Variants in COL9A2 observed in about 807,000 individuals in gnomAD.
COL9A2 encodes collagen alpha-2(IX) chain.
Under a neutral mutation model 111.6 loss-of-function variants are expected in COL9A2, and 66 were observed. The ratio of observed to expected loss-of-function variants is 0.59; its 90% CI spans 0.48 to 0.73. The LOEUF is 0.73. Ranked by LOEUF, COL9A2 falls within the 30% of genes least tolerant of loss-of-function variation. The probability of loss-of-function intolerance (pLI) is 0.00; values close to 1 mark genes in which losing one functional copy is unlikely to be tolerated. For synonymous variants in COL9A2, 353 were observed against 364.1 expected, an observed-to-expected ratio of 0.97 and a Z score of 0.35; for missense variants, 881 against 954.1, an observed-to-expected ratio of 0.92 and a Z score of 1.01.
In COL9A2 at chr1:40,311,438, G is replaced by T; in HGVS notation, c.519+62C>A. 1 of 816,840 alleles carries T rather than the reference G, an allele frequency of 1.2e-6. No individual in the cohort carries two copies. The allele number at this position is 816,840 out of a possible 1,614,324, so 50.6% of individuals were successfully genotyped here. ...CAGACACCCCCATCTCCGTGGCCCC[G>T]CCTCCCCATCTCTGTGGCCCCGCCC... On this transcript the variant is annotated intron_variant, in intron 10 of 31. Transcript: ENST00000372748. This position sits in a 1 kb window ranked among gnomAD's most constrained non-coding sequence, Gnocchi z 5.1.
chr1:40,304,240 G>T (rs757768462), intron 24 of COL9A2, 80 bp downstream of exon 24: 33 of 1,533,830 alleles, frequency 2.2e-5, no homozygotes, highest in Non-Finnish European at 2.7e-5. Context: ...TGGAGGCTCC[G>T]GAAGGATCTG....
rs965866672 is a variant in COL9A2 at position 40,307,148 on chromosome 1, A to G, written c.1008+298T>C. 6.6e-6 allele frequency among the ~76,000 whole-genome samples: 1 copy of G among 152,194 alleles called. No homozygotes were observed. Among genetic ancestry groups the G allele is most frequent in the Non-Finnish European group, 1.5e-5 (1 of 68,036 alleles). ...GCATGAGCCACTGCACCCGACCTCA[A>G]TAACTACTTATTGAAGGACTGGACT... On this transcript the variant is annotated intron_variant, in intron 19 of 31. Transcript: ENST00000372748. This position sits in a 1 kb window ranked among gnomAD's most constrained non-coding sequence, Gnocchi z 4.8.
intron 4 of COL9A2, among the ~76,000 whole-genome samples, chr1:40,313,061 G>A (rs1471289841): frequency 6.6e-6 from 1 of 152,210 alleles, no homozygotes; most frequent in African/African-American, 2.4e-5. Context: ...CCGGGTTCAG[G>A]AGTCTAGAAG....
Position 40,301,060 on chromosome 1 carries a change from A to G in COL9A2, c.*122T>C, listed in dbSNP as rs2229827. On this transcript the variant is annotated 3_prime_UTR_variant, in exon 32 of 32. Transcript: ENST00000372748. ...GAATTCCTTTTCCTTAGGACTCCTG[A>G]GTCCCAGACAGAAGGTCCTGGGGGA... 0.011 allele frequency: 10,656 copies of G among 1,012,266 alleles called. 776 individuals are homozygous for G. The African/African-American group carries it at 0.15, about 14-fold the overall frequency. 62.7% of individuals were successfully genotyped at this position (1,012,266 alleles called of 1,614,324 possible). A position where few individuals can be genotyped will look rare whatever the true frequency, so the allele number is the denominator to read the frequency against.
intron 24 of COL9A2, 41 bp downstream of exon 24, chr1:40,304,279 T>C (rs1643984167): frequency 1.3e-6 from 2 of 1,549,650 alleles, no homozygotes; most frequent in East Asian, 2.4e-5. Flanking sequence ...CCCCCTGTTA[T>C]AGGGCCCCTT....
In COL9A2 at chr1:40,303,218, T is replaced by C. The variant is rs1569703560; in HGVS notation, c.1549-33A>G. 1 of 1,598,152 alleles carries C rather than the reference T, an allele frequency of 6.3e-7. No individual in the cohort carries two copies. Among genetic ancestry groups the C allele is most frequent in the Non-Finnish European group, 8.5e-7 (1 of 1,170,960 alleles). On this transcript the variant is annotated intron_variant, in intron 28 of 31. Coordinates refer to ENST00000372748, the MANE Select transcript of COL9A2 (RefSeq NM_001852.4). The surrounding 1 kb of genome is among the most constrained non-coding windows in gnomAD (Gnocchi z 4.6). ...CAGAGGCCTTTCAGGAAGAAGCCCC[T>C]GGCTACAAGGGCCCACCGCTCCTAT...
rs1644175904 is a variant in COL9A2 at position 40,314,062 on chromosome 1, A to G, written c.249+143T>C. On this transcript the variant is annotated intron_variant, in intron 4 of 31. Transcript: ENST00000372748. The surrounding 1 kb of genome is among the most constrained non-coding windows in gnomAD (Gnocchi z 4.1). ...TGAGGTTCCAGGAAGGTCACAAGTC[A>G]TATCAAGGTGAGGGGGGCTCACAGC... The G allele has an allele frequency of 4.3e-6, 4 of 937,818 alleles. No homozygotes were observed. The South Asian group carries it at 5.2e-5, about 12-fold the overall frequency. 58.1% of individuals were successfully genotyped at this position (937,818 alleles called of 1,614,324 possible). A position where few individuals can be genotyped will look rare whatever the true frequency, so the allele number is the denominator to read the frequency against.
Position 40,312,343 on chromosome 1 carries a change from C to A in COL9A2, c.363+113G>T. 2 of 1,441,728 alleles carry A rather than the reference C, an allele frequency of 1.4e-6. No homozygotes were observed. Among genetic ancestry groups the A allele is most frequent in the Non-Finnish European group, 1.9e-6 (2 of 1,046,002 alleles). The allele number at this position is 1,441,728 out of a possible 1,614,324, so 89.3% of individuals were successfully genotyped here. On this transcript the variant is annotated intron_variant, in intron 7 of 31. Coordinates refer to ENST00000372748, the MANE Select transcript of COL9A2 (RefSeq NM_001852.4). The surrounding 1 kb of genome is among the most constrained non-coding windows in gnomAD (Gnocchi z 6.0). ...CTCTGGCAGGTCCACTTATTCCTGA[C>A]ACTATCACAGCAAGCTGGCTCCTTC...
chr1:40,304,588 A>C, intron 22 of COL9A2, 59 bp from the exon 23 acceptor site: 1 of 1,596,860 alleles, frequency 6.3e-7, no homozygotes, highest in Non-Finnish European at 8.6e-7. Flanking sequence ...AGCCTCCCGC[A>C]CCGAGGCCTG....
At chr1:40,306,516 A>G (rs1644032505) in intron 19 of COL9A2, among the ~76,000 whole-genome samples, 1 of 152,232 alleles carries the variant, frequency 6.6e-6, no homozygotes, top group Non-Finnish European at 1.5e-5. Context: ...GTACCCCCAC[A>G]GGGAGGGAGG....
Position 40,309,941 on chromosome 1 carries a change from G to C in COL9A2, c.843C>G (p.Asp281Glu). Residue 281 changes from aspartate to glutamate, a missense_variant, in exon 16 of 32, where the codon GAC becomes GAG. By Grantham distance (45) the Asp-to-Glu change is conservative. Coordinates refer to ENST00000372748, the MANE Select transcript of COL9A2 (RefSeq NM_001852.4). ...CAATGGGTGCCTGAGGACTCACCTC[G>C]TCACCCTTCTCCCCAGCTCGGCCTG... The part of the protein sequence containing the change: ...GPPGRAGEKG[D>E]EGSPGIRGPQ... The C allele has an allele frequency of 3.1e-6, 5 of 1,613,622 alleles. No homozygotes were observed. Among genetic ancestry groups the C allele is most frequent in the Non-Finnish European group, 4.2e-6 (5 of 1,180,000 alleles).
At position 40,301,309 on chromosome 1, in the gene COL9A2, T is replaced by G. The variant is rs779177140; in HGVS notation, c.1943A>C (p.Glu648Ala). 1.1e-5 allele frequency: 18 copies of G among 1,612,180 alleles called. No individual in the cohort carries two copies. The highest frequency in any genetic ancestry group is 1.4e-5 in the Non-Finnish European group (16 of 1,178,818). Residue 648 changes from glutamate to alanine, a missense_variant, in exon 32 of 32, where the codon GAG becomes GCG. Glu to Ala is a moderately radical substitution (Grantham distance 107). Transcript: ENST00000372748. ...GCCTGGCAGGCCAGGTCGACCTGCC[T>G]CTCCTGGAGCCCCTGGGGACCCTCG... The part of the protein sequence containing the change: ...GDRGSPGAPG[E>A]AGRPGLPGPV...
chr1:40,305,782 G>T lies in COL9A2; in HGVS notation c.1054-14C>A. 6.2e-7 allele frequency: 1 copy of T among 1,613,886 alleles called. No individual in the cohort carries two copies. The highest frequency in any genetic ancestry group is 2.2e-5 in the East Asian group (1 of 44,878). On this transcript the variant is annotated splice_polypyrimidine_tract_variant and intron_variant, in intron 20 of 31. Transcript: ENST00000372748. ...GCCCGGCTCACCCTGCAGGAAAACA[G>T]TTCTCAGGTCAGTCTGGGTGGCCCA...
intron 4 of COL9A2, among the ~76,000 whole-genome samples, chr1:40,313,066 T>C (rs1173685285): frequency 1.3e-5 from 2 of 152,248 alleles, no homozygotes; most frequent in African/African-American, 4.8e-5. Flanking sequence ...TTCAGGAGTC[T>C]AGAAGACCTA....
In COL9A2 at chr1:40,307,535, G is replaced by A. The variant is rs748104040; in HGVS notation, c.955-36C>T. 1.2e-6 allele frequency: 2 copies of A among 1,612,774 alleles called. No individual in the cohort carries two copies. The highest frequency in any genetic ancestry group is 1.7e-6 in the Non-Finnish European group (2 of 1,179,002). The stretch of plus-strand genomic sequence containing the variant: ...CAGATAACCAAAGATACAAATTAAA[G>A]CTCCAGCCAGAGGGCCATGGCTTCT... On this transcript the variant is annotated intron_variant, in intron 18 of 31. Coordinates refer to ENST00000372748, the MANE Select transcript of COL9A2 (RefSeq NM_001852.4). This position sits in a 1 kb window ranked among gnomAD's most constrained non-coding sequence, Gnocchi z 4.8.
chr1:40,303,701 A>G lies in COL9A2; in HGVS notation c.1402-25T>C. 1 of 1,510,496 alleles carries G rather than the reference A, an allele frequency of 6.6e-7. No individual in the cohort carries two copies. Among genetic ancestry groups the G allele is most frequent in the Non-Finnish European group, 8.9e-7 (1 of 1,127,582 alleles). 93.6% of individuals were successfully genotyped at this position (1,510,496 alleles called of 1,614,324 possible). A position where few individuals can be genotyped will look rare whatever the true frequency, so the allele number is the denominator to read the frequency against. The stretch of plus-strand genomic sequence containing the variant: ...GCTGCGGGGGGATGGGGGTGGGAGC[A>G]GAGCCGGGTGAGAAGGCGCCCGGGT... On this transcript the variant is annotated intron_variant, in intron 27 of 31. Transcript: ENST00000372748. The surrounding 1 kb of genome is among the most constrained non-coding windows in gnomAD (Gnocchi z 4.6).
At chr1:40,309,789 A>G in intron 16 of COL9A2, 149 bp downstream of exon 16, 1 of 806,364 alleles carries the variant, frequency 1.2e-6, no homozygotes, top group South Asian at 1.4e-5. Context: ...CACAGTCTAC[A>G]CACACACACA....
At chr1:40,306,030 AGGGGCTTATGTTCT>A in intron 20 of COL9A2, 99 bp downstream of exon 20, 1 of 1,277,924 alleles carries the variant, frequency 7.8e-7, no homozygotes, top group Non-Finnish European at 1.1e-6. Flanking sequence ...GTTAGGCCCA[AGGGGCTTATGTTCT>A]GGCTGAGCCT....
rs11550895 is a variant in COL9A2, at chr1:40,303,548, G to T, written c.1530C>A (p.Pro510=). ...GACTCACCTCCACGCCCTGTCTCCC[G>T]GGCTGTCCTGGCACGCCTCGGTTCC... The part of the protein sequence containing the change: ...LAGNRGVPGQ[P]GRQGVEGRDA... Residue 510 remains proline (P), a synonymous_variant, in exon 28 of 32, where the codon CCC becomes CCA. Coordinates refer to ENST00000372748, the MANE Select transcript of COL9A2 (RefSeq NM_001852.4). The surrounding 1 kb of genome is among the most constrained non-coding windows in gnomAD (Gnocchi z 4.6). The T allele has an allele frequency of 6.2e-7, 1 of 1,612,342 alleles. No individual in the cohort carries two copies. Among genetic ancestry groups the T allele is most frequent in the Non-Finnish European group, 8.5e-7 (1 of 1,179,716 alleles).
Sources: gnomAD v4.1 joint callset for allele counts (sites outside exome capture counted in the v4.1 genomes callset) on GRCh38, gnomAD v4.1.1 for gene constraint, Gnocchi (gnomAD v3.1) non-coding constraint, MANE v1.5 for transcripts, NCBI Gene and HGNC (gene_info 2026-07-23, HGNC 2026-07-21) for gene names.